Variants in ITIH1 observed in about 807,000 individuals in gnomAD.
The protein encoded by ITIH1 is inter-alpha-trypsin inhibitor heavy chain 1, also known as inter-alpha-trypsin inhibitor heavy chain H1.
In ITIH1, 94 loss-of-function variants were observed where a neutral mutation model predicts 104.6. The ratio of observed to expected loss-of-function variants is 0.90; its 90% CI spans 0.76 to 1.07. The LOEUF (loss-of-function observed/expected upper bound fraction) is 1.07, where lower values mean the gene tolerates loss of function less well. Ranked by LOEUF, ITIH1 falls within the 50% of genes least tolerant of loss-of-function variation. The pLI is 0.00. For synonymous variants in ITIH1, 455 were observed against 464.4 expected (o/e 0.98, Z 0.26); for missense variants, 1,193 against 1,181.4 (o/e 1.01, Z -0.14).
chr3:52,789,457 C>A (rs549077905), intron 18 of ITIH1, among the ~76,000 whole-genome samples, 196 bp from the exon 19 acceptor site: 12 of 152,172 alleles, frequency 7.9e-5, no homozygotes, highest in Admixed American at 7.2e-4. Flanking sequence ...GGATATTTGG[C>A]ATGGCAGGAG....
Position 52,788,080 on chromosome 3 carries a change from A to G in ITIH1, c.2005+14A>G, listed in dbSNP as rs1412131437. On this transcript the variant is annotated intron_variant, in intron 17 of 21. Coordinates refer to ENST00000273283, the MANE Select transcript of ITIH1 (RefSeq NM_002215.4). ...GAGTGACCGGCGGTGAGTCCTTGGA[A>G]GGGTCTGAGGGACACCCCTGTTTGG... The G allele has an allele frequency of 6.3e-7, 1 of 1,584,264 alleles. No individual in the cohort carries two copies. The highest frequency in any genetic ancestry group is 2.2e-5 in the East Asian group (1 of 44,666).
Position 52,789,811 on chromosome 3 carries a change from C to A in ITIH1, c.2278C>A (p.Pro760Thr). Residue 760 changes from proline (P) to threonine (T), a missense_variant, in exon 19 of 22, where the codon CCT (proline) becomes ACT (threonine). Coordinates refer to ENST00000273283, the MANE Select transcript of ITIH1 (RefSeq NM_002215.4). The stretch of plus-strand genomic sequence containing the variant: ...TACGCTGAACCCCGGCTTTGGTGGG[C>A]CTGTGTTTTCCTGGAGGGACCAAGC... ...NITLNPGFGG[P>T]VFSWRDQAVL... 6.2e-7 allele frequency: 1 copy of A among 1,614,218 alleles called. No homozygotes were observed. The highest frequency in any genetic ancestry group is 1.1e-5 in the South Asian group (1 of 91,080).
In ITIH1 at chr3:52,783,310, T is replaced by C. The variant is rs1280052149; in HGVS notation, c.1196T>C (p.Ile399Thr). Residue 399 changes from isoleucine to threonine, a missense_variant, in exon 10 of 22, where the codon ATC becomes ACC. Transcript: ENST00000273283. ...PELSNHASIL[I>T]MLTDGDPTEG... ...CTCAGCAACCATGCCTCAATACTCA[T>C]CATGTTGACAGATGGCGATCCCACA... 3.1e-6 allele frequency: 5 copies of C among 1,613,876 alleles called. No individual in the cohort carries two copies. Among genetic ancestry groups the C allele is most frequent in the East Asian group, 2.2e-5 (1 of 44,878 alleles).
Position 52,788,273 on chromosome 3 carries a change from G to C in ITIH1, c.2047G>C (p.Glu683Gln). ...PHFIIHVPQKEDTLCFNINEE... is the reference protein window; with the variant it reads ...PHFIIHVPQKQDTLCFNINEE... ...CTTCATCATCCACGTGCCCCAGAAA[G>C]AGGACACCCTGTGCTTCAACATCAA... is the stretch of plus-strand genomic sequence containing the variant. The change falls in exon 18 of 22, where the codon GAG becomes CAG. Residue 683 changes from glutamate to glutamine, a missense_variant. Glu to Gln is a conservative substitution (Grantham distance 29, BLOSUM62 2). Transcript: ENST00000273283. 1 of 1,612,338 alleles carries C rather than the reference G, an allele frequency of 6.2e-7. No individual in the cohort carries two copies. The highest frequency in any genetic ancestry group is 8.5e-7 in the Non-Finnish European group (1 of 1,179,342).
rs1201457553 is a variant in ITIH1 at position 52,789,799 on chromosome 3, G to A, written c.2266G>A (p.Gly756Ser). 15 of 1,614,102 alleles carry A rather than the reference G, an allele frequency of 9.3e-6. No homozygotes were observed. Among genetic ancestry groups the A allele is most frequent in the East Asian group, 4.5e-5 (2 of 44,890 alleles). ...VTPQNITLNP[G>S]FGGPVFSWRD... Reference sequence around the variant, plus strand: ...TCCTCAGAACATTACGCTGAACCCCGGCTTTGGTGGGCCTGTGTTTTCCTG... The same window carrying A: ...TCCTCAGAACATTACGCTGAACCCCAGCTTTGGTGGGCCTGTGTTTTCCTG... The change falls in exon 19 of 22, where the codon GGC becomes AGC. Residue 756 changes from glycine to serine, a missense_variant. Transcript: ENST00000273283.
At chr3:52,786,244 G>C in intron 12 of ITIH1, 51 bp from the exon 13 acceptor site, 1 of 1,543,190 alleles carries the variant, frequency 6.5e-7, no homozygotes, top group Non-Finnish European at 8.8e-7. Context: ...GCACCAGCCA[G>C]GGGCCGTGCT....
chr3:52,779,326 C>A lies in ITIH1; in HGVS notation c.411-106C>A. The A allele has an allele frequency of 8.0e-7, 1 of 1,249,524 alleles. No individual in the cohort carries two copies. Among genetic ancestry groups the A allele is most frequent in the Non-Finnish European group, 1.2e-6 (1 of 864,134 alleles). The allele number at this position is 1,249,524 out of a possible 1,614,324, so 77.4% of individuals were successfully genotyped here. A position where few individuals can be genotyped will look rare whatever the true frequency, so the allele number is the denominator to read the frequency against. On this transcript the variant is annotated intron_variant, in intron 4 of 21. Transcript: ENST00000273283. The surrounding 1 kb of genome is among the most constrained non-coding windows in gnomAD (Gnocchi z 4.4). ...GAGGTCCAGGGAAACCTGGGAGCAACACTCATCTAAGAGAAATAAATTCTG... is the reference window on the plus strand; with the variant it reads ...GAGGTCCAGGGAAACCTGGGAGCAAAACTCATCTAAGAGAAATAAATTCTG...
Position 52,783,255 on chromosome 3 carries a change from T to G in ITIH1, c.1141T>G (p.Leu381Val). Residue 381 changes from leucine to valine, a missense_variant, in exon 10 of 22, where the codon TTG becomes GTG. By Grantham distance (32) the Leu-to-Val change is conservative. Transcript: ENST00000273283. ...AGGTTTGCTCCGGGGAATTGAGATC[T>G]TGAACCAAGTTCAGGAAAGCCTCCC... Reference protein sequence around the residue: ...NGGLLRGIEILNQVQESLPEL... With the variant: ...NGGLLRGIEIVNQVQESLPEL... 1 of 1,614,162 alleles carries G rather than the reference T, an allele frequency of 6.2e-7. No homozygotes were observed. Among genetic ancestry groups the G allele is most frequent in the South Asian group, 1.1e-5 (1 of 91,084 alleles).
intron 11 of ITIH1, among the ~76,000 whole-genome samples, chr3:52,784,734 G>T (rs1341772334): frequency 7.2e-5 from 11 of 152,110 alleles, no homozygotes; most frequent in Admixed American, 7.2e-4. Context: ...AATTAGCCAG[G>T]TGTGGTGGTG....
At position 52,789,852 on chromosome 3, in the gene ITIH1, C is replaced by T. The variant is rs200991358; in HGVS notation, c.2319C>T (p.Asp773=). The change falls in exon 19 of 22, where the codon GAC becomes GAT. Residue 773 remains aspartate (D), a splice_region_variant and synonymous_variant. Coordinates refer to ENST00000273283, the MANE Select transcript of ITIH1 (RefSeq NM_002215.4). ...GGGACCAAGCTGTGCTGCGGCAGGA[C>T]GGGTAACCTGCCAGGGCCTGGGCAA... ...SWRDQAVLRQ[D]GVVVTINKKR... 2.2e-4 allele frequency: 359 copies of T among 1,613,936 alleles called. No individual in the cohort carries two copies. Among genetic ancestry groups the T allele is most frequent in the South Asian group, 1.7e-3 (156 of 91,076 alleles).
chr3:52,786,895 T>C, intron 13 of ITIH1, 50 bp from the exon 14 acceptor site: 1 of 1,555,780 alleles, frequency 6.4e-7, no homozygotes, highest in Non-Finnish European at 8.7e-7. Context: ...GGTGAAAGGA[T>C]GAGGGCCGTG....
chr3:52,781,224 T>C (rs1469452506), intron 6 of ITIH1, among the ~76,000 whole-genome samples: 8 of 62,280 alleles, frequency 1.3e-4, no homozygotes, highest in African/African-American at 4.7e-4. Context: ...CTTCTTCTTC[T>C]TCTTCTTCTT....
intron 3 of ITIH1, 56 bp downstream of exon 3, chr3:52,778,562 A>G (rs1698961921): frequency 1.2e-6 from 2 of 1,605,808 alleles, no homozygotes; most frequent in African/African-American, 1.3e-5. Flanking sequence ...TACTAGTCCC[A>G]GCTTAAGAAC....
intron 16 of ITIH1, 31 bp from the exon 17 acceptor site, chr3:52,787,955 C>T (rs758794134): frequency 2.3e-5 from 36 of 1,595,048 alleles, no homozygotes; most frequent in South Asian, 3.3e-5. Context: ...CTGGCTGCCC[C>T]GCTTCTAAAT....
Position 52,784,419 on chromosome 3 carries a change from A to T in ITIH1, c.1349A>T (p.Glu450Val), listed in dbSNP as rs762880150. ...AACTTTCTGGAGGTCATGTCCATGG[A>T]GAACAACGGACGGGCCCAGAGAATC... ...DFNFLEVMSM[E>V]NNGRAQRIYE... is the part of the protein sequence containing the mutation. The change falls in exon 11 of 22, where the codon GAG becomes GTG. Residue 450 changes from glutamate to valine, a missense_variant. Coordinates refer to ENST00000273283, the MANE Select transcript of ITIH1 (RefSeq NM_002215.4). 3.1e-6 allele frequency: 5 copies of T among 1,614,032 alleles called. No individual in the cohort carries two copies. The highest frequency in any genetic ancestry group is 3.3e-5 in the Admixed American group (2 of 59,998).
rs748412906 is a variant in ITIH1, at chr3:52,783,122, G to A, written c.1096G>A (p.Glu366Lys). Residue 366 changes from glutamate to lysine, a missense_variant, in exon 9 of 22, where the codon GAG becomes AAG. Coordinates refer to ENST00000273283, the MANE Select transcript of ITIH1 (RefSeq NM_002215.4). ...CTTTGTGCGGGGCTTTTCCCTGGAT[G>A]AGGGTAAGGGTGGGGGTCTCAGGCA... ...QDFVRGFSLD[E>K]ATNLNGGLLR... 5 of 1,612,942 alleles carry A rather than the reference G, an allele frequency of 3.1e-6. No homozygotes were observed. The highest frequency in any genetic ancestry group is 2.7e-5 in the African/African-American group (2 of 74,978).
chr3:52,788,882 C>T lies in ITIH1; in HGVS notation c.2119+537C>T, dbSNP rs560188710. Among the ~76,000 whole-genome samples the T allele has an allele frequency of 7.2e-5, 11 of 152,218 alleles. No homozygotes were observed. In the East Asian group the frequency reaches 7.7e-4, roughly 11 times the overall value. The stretch of plus-strand genomic sequence containing the variant: ...AGCCAGTTTAATGCTCTTCCGTTGC[C>T]GCCTTGAAACCCTTAACACTTTCTA... On this transcript the variant is annotated intron_variant, in intron 18 of 21. Coordinates refer to ENST00000273283, the MANE Select transcript of ITIH1 (RefSeq NM_002215.4).
At position 52,779,934 on chromosome 3, in the gene ITIH1, CA is replaced by C; in HGVS notation, c.574-334del. On this transcript the variant is annotated intron_variant, in intron 5 of 21. Transcript: ENST00000273283. The surrounding 1 kb of genome is among the most constrained non-coding windows in gnomAD (Gnocchi z 4.4). ...CCTGAGGGCCTGGAATTATTGCTGG[CA>C]CCTAAGTGGTGGCTGAGTTGAGGGA... 7.3e-7 allele frequency: 1 copy of C among 1,377,962 alleles called. No homozygotes were observed. The highest frequency in any genetic ancestry group is 9.4e-7 in the Non-Finnish European group (1 of 1,065,098). The allele number at this position is 1,377,962 out of a possible 1,614,324, so 85.4% of individuals were successfully genotyped here.
intron 20 of ITIH1, 53 bp from the exon 21 acceptor site, chr3:52,791,464 G>A: frequency 6.9e-7 from 1 of 1,455,120 alleles, no homozygotes; most frequent in East Asian, 2.3e-5. Flanking sequence ...CTGAGTGCAG[G>A]GCAGGAGCAA....
Sources: gnomAD v4.1 joint callset for allele counts (sites outside exome capture counted in the v4.1 genomes callset) on GRCh38, gnomAD v4.1.1 for gene constraint, Gnocchi (gnomAD v3.1) non-coding constraint, MANE v1.5 for transcripts, NCBI Gene and HGNC (gene_info 2026-07-23, HGNC 2026-07-21) for gene names.